The following GOLPH3 variants were observed in gnomAD, a reference collection of about 807,000 sequenced individuals.
GOLPH3 encodes the protein golgi phosphoprotein 3.
Under a neutral mutation model 28.5 loss-of-function variants are expected in GOLPH3, and 14 were observed. The observed-to-expected ratio is 0.49, with a 90% CI of 0.32 to 0.77. The LOEUF (loss-of-function observed/expected upper bound fraction) is 0.77. Ranked by LOEUF, GOLPH3 falls within the 30% of genes least tolerant of loss-of-function variation. The pLI is 0.03. For synonymous variants in GOLPH3, 158 were observed against 159.2 expected, an observed-to-expected ratio of 0.99 and a Z score of 0.06; for missense variants, 350 against 393.7, an observed-to-expected ratio of 0.89 and a Z score of 0.94.
intron 3 of GOLPH3, 75 bp downstream of exon 3, chr5:32,135,497 G>T: frequency 3.4e-6 from 3 of 894,136 alleles, no homozygotes; most frequent in East Asian, 2.4e-5. Context: ...TTTTGTGTAG[G>T]TTCCTTTCAA....
chr5:32,170,240 A>G (rs1403558947), intron 1 of GOLPH3, among the ~76,000 whole-genome samples: 1 of 152,194 alleles, frequency 6.6e-6, no homozygotes, highest in African/African-American at 2.4e-5. Context: ...AGGCAAAATT[A>G]ATCTATGCTG....
At chr5:32,142,442 G>A (rs1177399923) in intron 2 of GOLPH3, among the ~76,000 whole-genome samples, 2 of 150,252 alleles carry the variant, frequency 1.3e-5, no homozygotes, top group Non-Finnish European at 1.5e-5. Flanking sequence ...GAGCGTCTCC[G>A]CCCGGCAGCC....
At chr5:32,131,817 A>C (rs1337274697) in intron 3 of GOLPH3, among the ~76,000 whole-genome samples, 1 of 152,218 alleles carries the variant, frequency 6.6e-6, no homozygotes, top group Non-Finnish European at 1.5e-5. Context: ...TGCAAAGAAC[A>C]CTTATCTTCC....
At chr5:32,147,032 A>T (rs1746191165) in intron 1 of GOLPH3, among the ~76,000 whole-genome samples, 1 of 152,236 alleles carries the variant, frequency 6.6e-6, no homozygotes, top group Non-Finnish European at 1.5e-5. Context: ...TCTAAAGTGT[A>T]ATCTTATTTT....
intron 1 of GOLPH3, among the ~76,000 whole-genome samples, chr5:32,152,876 T>C (rs994060503): frequency 2.0e-5 from 3 of 151,858 alleles, no homozygotes; most frequent in Admixed American, 2.0e-4. Context: ...ATAACTATGA[T>C]GGGAATGTCA....
At chr5:32,148,232 A>C (rs1581546822) in intron 1 of GOLPH3, among the ~76,000 whole-genome samples, 1 of 152,282 alleles carries the variant, frequency 6.6e-6, no homozygotes, top group East Asian at 1.9e-4. Context: ...GTTTCTATAT[A>C]TTACTTCCAT....
At chr5:32,147,891 C>CA (rs1476150927) in intron 1 of GOLPH3, among the ~76,000 whole-genome samples, 1 of 152,194 alleles carries the variant, frequency 6.6e-6, no homozygotes, top group African/African-American at 2.4e-5. Context: ...AGCTCTACCA[C>CA]ATACTATATA....
intron 1 of GOLPH3, among the ~76,000 whole-genome samples, chr5:32,169,680 A>G (rs1048257272): frequency 6.6e-6 from 1 of 152,226 alleles, no homozygotes; most frequent in Non-Finnish European, 1.5e-5. Flanking sequence ...CTATAGAATA[A>G]ACACACACAG....
intron 2 of GOLPH3, among the ~76,000 whole-genome samples, chr5:32,137,653 C>A (rs1239884907): frequency 6.6e-6 from 1 of 151,962 alleles, no homozygotes; most frequent in African/African-American, 2.4e-5. Flanking sequence ...GAGCAAAAAT[C>A]TGTTTCCAAA....
In GOLPH3 at chr5:32,156,498, G is replaced by A. The variant is rs147503094; in HGVS notation, c.226-12618C>T. Among the ~76,000 whole-genome samples the A allele has an allele frequency of 8.9e-3, 1,282 of 143,678 alleles. 8 individuals are homozygous for A. Among genetic ancestry groups the A allele is most frequent in the Non-Finnish European group, 0.015 (953 of 63,548 alleles). The allele number at this position is 143,678 out of a possible 152,430, so 94.3% of individuals were successfully genotyped here. ...AGCCTGGGTGACAGAGCGAGATTCT[G>A]TCTCAAAAAAAAAAAAAATCTGTTG... On this transcript the variant is annotated intron_variant, in intron 1 of 3. Transcript: ENST00000265070.
chr5:32,171,125 T>C (rs776959747), intron 1 of GOLPH3, among the ~76,000 whole-genome samples: 49 of 152,328 alleles, frequency 3.2e-4, no homozygotes, highest in Non-Finnish European at 5.1e-4. Flanking sequence ...ATTATCTTCT[T>C]AAGACCCAAT....
intron 1 of GOLPH3, among the ~76,000 whole-genome samples, chr5:32,169,441 A>C (rs452068): frequency 0.27 from 41,033 of 152,098 alleles, 6,237 homozygotes; most frequent in South Asian, 0.41. Context: ...CAGAAGGCTT[A>C]AATTATATGT....
chr5:32,139,182 GA>G (rs1746004082), intron 2 of GOLPH3, among the ~76,000 whole-genome samples: 1 of 152,064 alleles, frequency 6.6e-6, no homozygotes, highest in African/African-American at 2.4e-5. Context: ...ACCAATTGAG[GA>G]TCAAAAATAT....
chr5:32,146,152 T>C (rs1746176860), intron 1 of GOLPH3, among the ~76,000 whole-genome samples: 1 of 152,002 alleles, frequency 6.6e-6, no homozygotes, highest in Non-Finnish European at 1.5e-5. Flanking sequence ...TAGCCGGGCA[T>C]GGTGGCACCC....
chr5:32,144,417 C>A (rs1746146494), intron 1 of GOLPH3, among the ~76,000 whole-genome samples: 1 of 152,162 alleles, frequency 6.6e-6, no homozygotes. Flanking sequence ...ATAGTGAGAT[C>A]CTGTTTCTAC....
Position 32,174,143 on chromosome 5 carries a change from G to GACCA in GOLPH3, c.-110_-109insTGGT. The stretch of plus-strand genomic sequence containing the variant: ...CCGGGTTTCCGTGTTAAATCCGGAC[G>GACCA]CCGGGGCGACGTCCGTCGGCAGCAG... On this transcript the variant is annotated 5_prime_UTR_variant, in exon 1 of 4. The change abolishes the stop of an existing upstream ORF in the 5' untranslated region. Coordinates refer to ENST00000265070, the MANE Select transcript of GOLPH3 (RefSeq NM_022130.4). 1.4e-6 allele frequency: 1 copy of GACCA among 717,318 alleles called. No individual in the cohort carries two copies. The highest frequency in any genetic ancestry group is 1.9e-6 in the Non-Finnish European group (1 of 521,106). The allele number at this position is 717,318 out of a possible 1,614,324, so 44.4% of individuals were successfully genotyped here. A position where few individuals can be genotyped will look rare whatever the true frequency, so the allele number is the denominator to read the frequency against.
chr5:32,133,026 C>G (rs561394929), intron 3 of GOLPH3, among the ~76,000 whole-genome samples: 3 of 152,230 alleles, frequency 2.0e-5, no homozygotes, highest in Non-Finnish European at 4.4e-5. Context: ...CTGGCATCAA[C>G]AGCCAATCTA....
At chr5:32,173,700 G>T in intron 1 of GOLPH3, 110 bp downstream of exon 1, 1 of 719,540 alleles carries the variant, frequency 1.4e-6, no homozygotes, top group Non-Finnish European at 1.9e-6. Flanking sequence ...TCGGAGCGAG[G>T]GCAGGTGCGC....
intron 1 of GOLPH3, among the ~76,000 whole-genome samples, chr5:32,152,428 C>T (rs889366407): frequency 4.1e-5 from 5 of 123,012 alleles, no homozygotes; most frequent in African/African-American, 1.3e-4. Flanking sequence ...CCTGCCCCCC[C>T]CAGCCTTTTT....
Sources: allele counts gnomAD v4.1 joint callset (sites outside exome capture counted in the v4.1 genomes callset), GRCh38; gene constraint gnomAD v4.1.1; transcripts MANE v1.5; gene names NCBI Gene and HGNC (gene_info 2026-07-23, HGNC 2026-07-21).